The following TARS2 variants were observed in gnomAD, a reference collection of about 807,000 sequenced individuals.
TARS2 encodes threonine--tRNA ligase, mitochondrial.
TARS2 carries 61 observed loss-of-function variants against 94.4 expected under a neutral mutation model. The observed-to-expected ratio is 0.65, with a 90% confidence interval of 0.53 to 0.80. The LOEUF is 0.80. TARS2 is among the 30% of genes least tolerant of loss of function. TARS2 has a pLI of 0.00. For synonymous variants in TARS2, 359 were observed against 353.4 expected, an observed-to-expected ratio of 1.02 and a Z score of -0.18; for missense variants, 704 against 902.5, an observed-to-expected ratio of 0.78 and a Z score of 2.82.
chr1:150,504,636 G>A lies in TARS2; in HGVS notation c.1723G>A (p.Ala575Thr). Residue 575 changes from alanine to threonine, a missense_variant, in exon 15 of 18, where the codon GCG becomes ACG. Coordinates refer to ENST00000369064, the MANE Select transcript of TARS2 (RefSeq NM_025150.5). ...LRFDLQYKGQ[A>T]GALERPVLIH... is the part of the protein sequence containing the mutation. ...CCCCCCCTTTTTCCTTTCAAGGCAG[G>A]CGGGTGCCCTGGAGCGTCCAGTCCT... 1 of 1,613,948 alleles carries A rather than the reference G, an allele frequency of 6.2e-7. No homozygotes were observed. Among genetic ancestry groups the A allele is most frequent in the Non-Finnish European group, 8.5e-7 (1 of 1,179,892 alleles).
At chr1:150,489,216 T>C in intron 3 of TARS2, 129 bp downstream of exon 3, 1 of 1,355,620 alleles carries the variant, frequency 7.4e-7, no homozygotes, top group Non-Finnish European at 1.0e-6. Context: ...TACCACAGAC[T>C]GTCTTGACTA....
chr1:150,496,377 G>A, intron 7 of TARS2, 105 bp from the exon 8 acceptor site: 1 of 1,361,462 alleles, frequency 7.3e-7, no homozygotes, highest in Non-Finnish European at 1.0e-6. Flanking sequence ...TTGTTGTCAA[G>A]AGGCATACCT....
chr1:150,499,250 CCTGGGACCTCAACT>C lies in TARS2; in HGVS notation c.1579_1592del (p.Asp527ArgfsTer8). On this transcript the variant is annotated frameshift_variant, in exon 13 of 18. Transcript: ENST00000369064. LOFTEE classifies it high-confidence loss of function. ...CAGGCCCTGAAGGAATTTGGAGAAC[CCTGGGACCTCAACT>C]CTGGAGATGGTGCCTTCTATGGACC... 6.2e-7 allele frequency: 1 copy of C among 1,614,092 alleles called. No individual in the cohort carries two copies. The highest frequency in any genetic ancestry group is 8.5e-7 in the Non-Finnish European group (1 of 1,180,010).
intron 10 of TARS2, 84 bp from the exon 11 acceptor site, chr1:150,498,418 A>T: frequency 6.8e-7 from 1 of 1,480,618 alleles, no homozygotes; most frequent in Non-Finnish European, 8.9e-7. Context: ...GTGCAGAGAA[A>T]GTAGGCAAGC....
Position 150,507,010 on chromosome 1 carries a change from G to A in TARS2, c.2103G>A (p.Gln701=), listed in dbSNP as rs114661327. The stretch of plus-strand genomic sequence containing the variant: ...AGTGGGACTTGCCTGAGGCTGTGCA[G>A]CGACTGGTGGAGCTACAGAACACGA... ...LGEWDLPEAV[Q]RLVELQNTRV... The change falls in exon 18 of 18, where the codon CAG becomes CAA. Residue 701 remains glutamine (Q), a synonymous_variant. Transcript: ENST00000369064. The A allele has an allele frequency of 7.4e-4, 1,198 of 1,614,172 alleles. 10 individuals carry two copies. In the African/African-American group the frequency reaches 0.015, roughly 20 times the overall value.
rs765395075 is a variant in TARS2, at chr1:150,489,069, T to C, written c.369T>C (p.Asp123=). 5.6e-6 allele frequency: 9 copies of C among 1,614,048 alleles called. No individual in the cohort carries two copies. The highest frequency in any genetic ancestry group is 1.7e-5 in the Admixed American group (1 of 60,006). Residue 123 remains aspartate (D), a synonymous_variant, in exon 3 of 18, where the codon GAT becomes GAC. Transcript: ENST00000369064. The part of the protein sequence containing the change: ...TDSDLRFLTF[D]SPEGKAVFWH... ...CTGACCTCAGATTTCTGACATTCGA[T>C]TCCCCAGAGGGGAAAGCAGTAAGTT...
chr1:150,490,792 G>C, intron 4 of TARS2, 67 bp downstream of exon 4: 1 of 1,602,110 alleles, frequency 6.2e-7, no homozygotes, highest in Non-Finnish European at 8.5e-7. Context: ...CAGGGGCCTT[G>C]GGCATGCTCC....
chr1:150,503,026 T>A (rs1669993693), intron 13 of TARS2, among the ~76,000 whole-genome samples: 1 of 152,180 alleles, frequency 6.6e-6, no homozygotes, highest in South Asian at 2.1e-4. Context: ...CAGATACTGC[T>A]ATAAAAAGAG....
chr1:150,501,424 TCTC>T (rs901705814), intron 13 of TARS2, among the ~76,000 whole-genome samples: 107 of 146,528 alleles, frequency 7.3e-4, no homozygotes, highest in African/African-American at 2.6e-3. Flanking sequence ...TTCACGCCAT[TCTC>T]CTGTCTCAGC....
intron 3 of TARS2, 52 bp from the exon 4 acceptor site, chr1:150,490,549 G>A (rs767881399): frequency 9.5e-6 from 15 of 1,580,230 alleles, no homozygotes; most frequent in Non-Finnish European, 1.3e-5. Flanking sequence ...CAGAGATCTA[G>A]GGGTTAAGGG....
rs756013294 is a variant in TARS2 at position 150,497,620 on chromosome 1, T to C, written c.1111T>C (p.Tyr371His). The change falls in exon 10 of 18, where the codon TAT (tyrosine) becomes CAT (histidine). Residue 371 changes from tyrosine to histidine, a missense_variant. Coordinates refer to ENST00000369064, the MANE Select transcript of TARS2 (RefSeq NM_025150.5). ...LWEQSGHWEH[Y>H]QEDMFAVQPP... Reference sequence around the variant, plus strand: ...GGAACAGTCAGGGCACTGGGAGCATTATCAGGAAGACATGTTTGCCGTGCA... The same window carrying C: ...GGAACAGTCAGGGCACTGGGAGCATCATCAGGAAGACATGTTTGCCGTGCA... 4.3e-6 allele frequency: 7 copies of C among 1,614,000 alleles called. No homozygotes were observed. The highest frequency in any genetic ancestry group is 5.9e-6 in the Non-Finnish European group (7 of 1,180,018).
intron 9 of TARS2, among the ~76,000 whole-genome samples, chr1:150,497,120 T>C (rs979674094): frequency 7.2e-5 from 11 of 152,202 alleles, no homozygotes; most frequent in Admixed American, 7.2e-4. Context: ...CTGTCTCTAC[T>C]AAAATAAATA....
chr1:150,503,609 GTATA>G (rs748011030), intron 13 of TARS2, among the ~76,000 whole-genome samples: 1,737 of 131,352 alleles, frequency 0.013, 41 homozygotes, highest in Non-Finnish European at 0.019. Flanking sequence ...GTGTATGTGT[GTATA>G]TATATGTGTG....
chr1:150,499,405 C>A, intron 13 of TARS2, 112 bp downstream of exon 13: 2 of 1,020,096 alleles, frequency 2.0e-6, no homozygotes, highest in Non-Finnish European at 1.4e-6. Context: ...ACTCTGTCAC[C>A]CAGGCTAAAA....
At chr1:150,492,197 C>A (rs1669426612) in intron 6 of TARS2, 1 of 498,282 alleles carries the variant, frequency 2.0e-6, no homozygotes, top group Non-Finnish European at 3.7e-6. Context: ...AACTCCTGAC[C>A]ACGTGATCCA....
intron 15 of TARS2, 55 bp downstream of exon 15, chr1:150,504,788 C>T: frequency 6.2e-7 from 1 of 1,608,414 alleles, no homozygotes; most frequent in East Asian, 2.2e-5. Context: ...AGTTATGCTC[C>T]AGATCCTGTC....
Position 150,487,994 on chromosome 1 carries a change from G to A in TARS2, c.203G>A (p.Gly68Asp). ...ACTATTAAGATATCACTTCCTGGAGGCCAGAAAATTGATGCTGTGGCATGG... is the reference window on the plus strand; with the variant it reads ...ACTATTAAGATATCACTTCCTGGAGACCAGAAAATTGATGCTGTGGCATGG... ...PRTIKISLPGGQKIDAVAWNT... is the reference protein window; with the variant it reads ...PRTIKISLPGDQKIDAVAWNT... The change falls in exon 2 of 18, where the codon GGC becomes GAC. Residue 68 changes from glycine to aspartate, a missense_variant. By Grantham distance (94) the Gly-to-Asp change is moderately conservative. This residue lies in a region of TARS2 where 208 missense variants were observed against 228.5 expected (regional missense o/e 0.91). Coordinates refer to ENST00000369064, the MANE Select transcript of TARS2 (RefSeq NM_025150.5). 1.2e-6 allele frequency: 2 copies of A among 1,614,012 alleles called. No individual in the cohort carries two copies. The highest frequency in any genetic ancestry group is 1.7e-6 in the Non-Finnish European group (2 of 1,180,018).
rs1314004576 is a variant in TARS2, at chr1:150,497,894, C to G, written c.1238+147C>G. 3 of 744,062 alleles carry G rather than the reference C, an allele frequency of 4.0e-6. No homozygotes were observed. In the East Asian group the frequency reaches 8.7e-5, roughly 22 times the overall value. The allele number at this position is 744,062 out of a possible 1,614,324, so 46.1% of individuals were successfully genotyped here. A position where few individuals can be genotyped will look rare whatever the true frequency, so the allele number is the denominator to read the frequency against. ...ATCACCTGAGGTCGGGAGTTTGAGACCAGCCTGACCAACATGGAGAAACCC... is the reference window on the plus strand; with the variant it reads ...ATCACCTGAGGTCGGGAGTTTGAGAGCAGCCTGACCAACATGGAGAAACCC... On this transcript the variant is annotated intron_variant, in intron 10 of 17. Coordinates refer to ENST00000369064, the MANE Select transcript of TARS2 (RefSeq NM_025150.5).
rs757391561 is a variant in TARS2 at position 150,496,508 on chromosome 1, A to G, written c.801A>G (p.Ser267=). The change falls in exon 8 of 18, where the codon TCA becomes TCG. Residue 267 remains serine (S), a synonymous_variant. Coordinates refer to ENST00000369064, the MANE Select transcript of TARS2 (RefSeq NM_025150.5). ...LSNSSSLWRS[S]GAPETLQRVS... ...ACTCATCATCCTTATGGAGGTCTTC[A>G]GGGGCCCCAGAGACACTGCAGAGAG... 1.9e-6 allele frequency: 3 copies of G among 1,613,856 alleles called. No homozygotes were observed. Among genetic ancestry groups the G allele is most frequent in the Admixed American group, 1.7e-5 (1 of 59,976 alleles).
Sources: gnomAD v4.1 joint callset for allele counts (sites outside exome capture counted in the v4.1 genomes callset) on GRCh38, gnomAD v4.1.1 for gene constraint, gnomAD v4.1.1 regional missense constraint, MANE v1.5 for transcripts, NCBI Gene and HGNC (gene_info 2026-07-23, HGNC 2026-07-21) for gene names.